The following ADAM32 variants were observed in gnomAD, a reference collection of about 807,000 sequenced individuals.
ADAM32 encodes the protein disintegrin and metalloproteinase domain-containing protein 32.
In ADAM32, 89 loss-of-function variants were observed where a neutral mutation model predicts 114.9. The observed-to-expected ratio is 0.77, with a 90% CI of 0.65 to 0.92. ADAM32 has a LOEUF of 0.92. ADAM32 is among the 40% of genes least tolerant of loss of function. The pLI is 0.00. For synonymous variants in ADAM32, 285 were observed against 307.5 expected, an observed-to-expected ratio of 0.93 and a Z score of 0.77; for missense variants, 870 against 932.8, an observed-to-expected ratio of 0.93 and a Z score of 0.88.
chr8:39,118,266 G>A, intron 2 of ADAM32, 101 bp downstream of exon 2: 2 of 648,738 alleles, frequency 3.1e-6, no homozygotes, highest in Non-Finnish European at 4.7e-6. Context: ...TGAATATAAT[G>A]TCTCTTGTAT....
At chr8:39,276,873 A>G (rs1376183175) in intron 22 of ADAM32, among the ~76,000 whole-genome samples, 2 of 152,170 alleles carry the variant, frequency 1.3e-5, no homozygotes, top group African/African-American at 4.8e-5. Context: ...GTCATCTCAG[A>G]TAATAAAGGC....
intron 16 of ADAM32, among the ~76,000 whole-genome samples, chr8:39,242,746 C>A (rs1402617860): frequency 1.3e-5 from 2 of 152,064 alleles, no homozygotes; most frequent in Admixed American, 6.6e-5. Context: ...GAAACAGGAA[C>A]AAACTAAACC....
chr8:39,131,576 A>G (rs575757745), intron 2 of ADAM32, among the ~76,000 whole-genome samples: 2 of 152,264 alleles, frequency 1.3e-5, no homozygotes, highest in African/African-American at 4.8e-5. Context: ...TAAGTTTCCA[A>G]ATAGGATTAT....
chr8:39,225,707 G>A (rs890356918), intron 14 of ADAM32, among the ~76,000 whole-genome samples: 5 of 151,966 alleles, frequency 3.3e-5, no homozygotes, highest in African/African-American at 1.2e-4. Context: ...ATGCATGGAG[G>A]GTACACTGCT....
intron 4 of ADAM32, among the ~76,000 whole-genome samples, chr8:39,147,730 G>T (rs1803587118): frequency 6.6e-6 from 1 of 151,484 alleles, no homozygotes; most frequent in African/African-American, 2.4e-5. Context: ...TAATCTCCCT[G>T]CTTCCTCACC....
chr8:39,171,072 T>TAC lies in ADAM32; in HGVS notation c.915+1077_915+1078dup, dbSNP rs765412301. ...TCTCAGTCTCCCTAGTAGCTGAGAT[T>TAC]ACAGAGGTGACCCACAACAACCAGC... On this transcript the variant is annotated intron_variant, in intron 10 of 24. Transcript: ENST00000379907. Among the ~76,000 whole-genome samples, 256 of 152,252 alleles carry TAC rather than the reference T, an allele frequency of 1.7e-3. 1 individual carries two copies. The highest frequency in any genetic ancestry group is 3.4e-3 in the Middle Eastern group (1 of 294).
intron 19 of ADAM32, among the ~76,000 whole-genome samples, chr8:39,264,144 G>A (rs111916981): frequency 3.9e-5 from 6 of 152,032 alleles, no homozygotes; most frequent in Non-Finnish European, 8.8e-5. Context: ...TAGGTTCAGG[G>A]GGTACATGTT....
chr8:39,220,737 T>C (rs1391154787), intron 12 of ADAM32, among the ~76,000 whole-genome samples: 2 of 152,120 alleles, frequency 1.3e-5, no homozygotes, highest in East Asian at 1.9e-4. Context: ...GTTCTTGTTA[T>C]TGATTTCTAG....
intron 10 of ADAM32, among the ~76,000 whole-genome samples, chr8:39,176,656 T>C (rs1384805651): frequency 1.3e-5 from 2 of 152,162 alleles, no homozygotes; most frequent in East Asian, 1.9e-4. Flanking sequence ...GAAGAATGTA[T>C]ATTCTCTTGA....
intron 2 of ADAM32, chr8:39,130,008 G>T (rs866636071): frequency 3.5e-5 from 11 of 318,524 alleles, no homozygotes; most frequent in African/African-American, 2.5e-4. Context: ...AGGTTGGAGT[G>T]CAGTGGCACA....
chr8:39,284,631 A>G (rs1197284994), intron 24 of ADAM32, among the ~76,000 whole-genome samples, 162 bp from the exon 25 acceptor site: 2 of 152,196 alleles, frequency 1.3e-5, no homozygotes, highest in African/African-American at 2.4e-5. Flanking sequence ...TAAGTGGCTC[A>G]TGGTTAAATA....
At chr8:39,145,296 A>T (rs897700482) in intron 3 of ADAM32, among the ~76,000 whole-genome samples, 2 of 152,236 alleles carry the variant, frequency 1.3e-5, no homozygotes, top group African/African-American at 4.8e-5. Flanking sequence ...CAGAAATAGT[A>T]AATTCCTATG....
intron 16 of ADAM32, among the ~76,000 whole-genome samples, chr8:39,234,763 G>T (rs953610478): frequency 6.6e-6 from 1 of 152,136 alleles, no homozygotes; most frequent in Non-Finnish European, 1.5e-5. Flanking sequence ...TCATTTAGAG[G>T]GAATAACACA....
chr8:39,278,790 C>T (rs1813249642), intron 22 of ADAM32, among the ~76,000 whole-genome samples: 1 of 151,838 alleles, frequency 6.6e-6, no homozygotes, highest in South Asian at 2.1e-4. Flanking sequence ...TTTTTACAAC[C>T]CTTTTAGTTT....
chr8:39,147,653 C>T (rs1803584148), intron 4 of ADAM32, among the ~76,000 whole-genome samples: 1 of 152,006 alleles, frequency 6.6e-6, no homozygotes, highest in African/African-American at 2.4e-5. Context: ...CTGCCTTCAC[C>T]CACTGAGACC....
At position 39,247,876 on chromosome 8, in the gene ADAM32, A is replaced by G. The variant is rs560655594; in HGVS notation, c.1902+1710A>G. 1.1e-3 allele frequency among the ~76,000 whole-genome samples: 169 copies of G among 150,294 alleles called. 1 individual carries two copies. The highest frequency in any genetic ancestry group is 4.0e-3 in the African/African-American group (162 of 40,554). ...TTCTGGATTAACTTTTTGAAGGGTG[A>G]TAAGTTTGTGTCTAGATTCTTTTTT... On this transcript the variant is annotated intron_variant, in intron 17 of 24. Coordinates refer to ENST00000379907, the MANE Select transcript of ADAM32 (RefSeq NM_145004.7).
At chr8:39,114,503 G>A (rs1840295250) in intron 1 of ADAM32, among the ~76,000 whole-genome samples, 1 of 152,172 alleles carries the variant, frequency 6.6e-6, no homozygotes, top group Non-Finnish European at 1.5e-5. Context: ...TGCTCATCTA[G>A]TTCATTCCTA....
chr8:39,187,079 T>C, intron 11 of ADAM32, 34 bp downstream of exon 11: 1 of 1,551,558 alleles, frequency 6.4e-7, no homozygotes, highest in Non-Finnish European at 8.7e-7. Flanking sequence ...TGCTTATGTT[T>C]ATTTCATTTT....
At chr8:39,160,445 C>T (rs542198973) in intron 6 of ADAM32, among the ~76,000 whole-genome samples, 4 of 141,992 alleles carry the variant, frequency 2.8e-5, no homozygotes, top group African/African-American at 1.0e-4. Flanking sequence ...GAGGCTGATG[C>T]GGGAGAATGG....
Sources: allele counts gnomAD v4.1 joint callset (sites outside exome capture counted in the v4.1 genomes callset), GRCh38; gene constraint gnomAD v4.1.1; transcripts MANE v1.5; gene names NCBI Gene and HGNC (gene_info 2026-07-23, HGNC 2026-07-21).